The following CENPU variants were observed in gnomAD, a reference collection of about 807,000 sequenced individuals.
CENPU encodes the protein KSHV latent nuclear antigen interacting protein 1.
CENPU carries 46 observed loss-of-function variants against 56.7 expected under a neutral mutation model. The observed-to-expected ratio is 0.81, with a 90% CI of 0.64 to 1.04. The LOEUF (loss-of-function observed/expected upper bound fraction) is 1.04, where lower values mean the gene tolerates loss of function less well. CENPU is among the 50% of genes least tolerant of loss of function. The pLI is 0.00. For missense variants in CENPU, 510 were observed against 490.1 expected (o/e 1.04, Z -0.38); for synonymous variants, 166 against 163.0 (o/e 1.02, Z -0.14).
chr4:184,706,219 TATAG>T (rs1760722990), intron 8 of CENPU, among the ~76,000 whole-genome samples: 1 of 152,220 alleles, frequency 6.6e-6, no homozygotes, highest in Non-Finnish European at 1.5e-5. Flanking sequence ...ATTTTTAAAA[TATAG>T]CCAGTCATGG....
At chr4:184,700,751 C>A in intron 11 of CENPU, 69 bp downstream of exon 11, 1 of 1,303,680 alleles carries the variant, frequency 7.7e-7, no homozygotes, top group Non-Finnish European at 1.1e-6. Context: ...AAGTGTCACT[C>A]CCCTAAATGA....
At chr4:184,726,909 C>T (rs1364756850) in intron 3 of CENPU, among the ~76,000 whole-genome samples, 2 of 140,048 alleles carry the variant, frequency 1.4e-5, no homozygotes, top group East Asian at 2.0e-4. Context: ...GCCAATATGG[C>T]AAAGCCCCAT....
Position 184,725,008 on chromosome 4 carries a change from T to G in CENPU, c.269A>C (p.His90Pro). 6.2e-7 allele frequency: 1 copy of G among 1,613,458 alleles called. No individual in the cohort carries two copies. Reference protein sequence around the residue: ...IYADEEEFSKHCGLSLSSTPP... With the variant: ...IYADEEEFSKPCGLSLSSTPP... ...AGTTGAAGAGAGAGACAGTCCACAA[T>G]GTTTGGAGAATTCTTCTTCATCAGC... The change falls in exon 4 of 13, where the codon CAT (histidine) becomes CCT (proline). Residue 90 changes from histidine (H) to proline (P), a missense_variant. By Grantham distance (77) the His-to-Pro change is moderately conservative. Transcript: ENST00000281453.
At chr4:184,731,941 T>C (rs1761663681) in intron 1 of CENPU, among the ~76,000 whole-genome samples, 1 of 146,882 alleles carries the variant, frequency 6.8e-6, no homozygotes, top group Non-Finnish European at 1.5e-5. Flanking sequence ...CACCCCTAAA[T>C]ACTACAATAT....
chr4:184,699,601 G>C, intron 11 of CENPU: 1 of 1,288,824 alleles, frequency 7.8e-7, no homozygotes, highest in Non-Finnish European at 1.0e-6. Context: ...CCTGTCCAGA[G>C]ACTCAATTTA....
At chr4:184,721,525 G>A (rs1461507073) in intron 4 of CENPU, among the ~76,000 whole-genome samples, 1 of 129,144 alleles carries the variant, frequency 7.7e-6, no homozygotes, top group Non-Finnish European at 1.6e-5. Context: ...CACCTATAAA[G>A]ATACACACAG....
At chr4:184,708,478 TTAAAAAAC>T (rs1760805443) in intron 8 of CENPU, among the ~76,000 whole-genome samples, 1 of 150,998 alleles carries the variant, frequency 6.6e-6, no homozygotes, top group South Asian at 2.1e-4. Flanking sequence ...AAATAAAAAA[TTAAAAAAC>T]CTTGGAATGA....
intron 4 of CENPU, among the ~76,000 whole-genome samples, chr4:184,719,122 T>C (rs1053862517): frequency 5.9e-5 from 9 of 152,154 alleles, no homozygotes; most frequent in African/African-American, 2.2e-4. Context: ...AGGGCTCCAC[T>C]GATTGTCCCC....
At chr4:184,710,010 G>C in intron 8 of CENPU, 62 bp downstream of exon 8, 2 of 821,842 alleles carry the variant, frequency 2.4e-6, no homozygotes, top group Non-Finnish European at 3.9e-6. Context: ...TGTAGGATGA[G>C]CAAAAATGGT....
intron 12 of CENPU, among the ~76,000 whole-genome samples, chr4:184,697,358 T>C (rs1760374465): frequency 6.8e-6 from 1 of 148,142 alleles, no homozygotes; most frequent in Non-Finnish European, 1.5e-5. Context: ...GATTTTTCAA[T>C]TGAGATTTAT....
chr4:184,713,031 A>G lies in CENPU; in HGVS notation c.619-18T>C, dbSNP rs1408812056. ...TGAGTTTTCTACAAAAAAAAAAAGC[A>G]TTAAGTTTTTAAGAAAAGTTTTCTT... On this transcript the variant is annotated intron_variant, in intron 6 of 12. Transcript: ENST00000281453. The G allele has an allele frequency of 2.0e-6, 3 of 1,468,558 alleles. No individual in the cohort carries two copies. The highest frequency in any genetic ancestry group is 1.9e-6 in the Non-Finnish European group (2 of 1,076,310). 91.0% of individuals were successfully genotyped at this position (1,468,558 alleles called of 1,614,324 possible).
At chr4:184,717,550 C>T (rs1190874712) in intron 4 of CENPU, among the ~76,000 whole-genome samples, 2 of 152,194 alleles carry the variant, frequency 1.3e-5, no homozygotes, top group African/African-American at 2.4e-5. Flanking sequence ...AAAGGGAACA[C>T]CTTCTTTTAT....
At chr4:184,731,367 G>A (rs1259860818) in intron 1 of CENPU, among the ~76,000 whole-genome samples, 10 of 152,142 alleles carry the variant, frequency 6.6e-5, no homozygotes, top group Non-Finnish European at 7.3e-5. Context: ...TGTTACAGAT[G>A]TGTGCTTGCC....
At chr4:184,695,548 T>A in intron 12 of CENPU, 147 bp from the exon 13 acceptor site, 1 of 561,700 alleles carries the variant, frequency 1.8e-6, no homozygotes, top group Non-Finnish European at 3.2e-6. Context: ...ATTAAGACAA[T>A]TGGTTTTAAT....
chr4:184,718,051 AC>A (rs1761151579), intron 4 of CENPU, among the ~76,000 whole-genome samples: 1 of 152,210 alleles, frequency 6.6e-6, no homozygotes, highest in Non-Finnish European at 1.5e-5. Flanking sequence ...GCTGCAGGGC[AC>A]CCACATAGGC....
At position 184,694,125 on chromosome 4, in the gene CENPU, C is replaced by A; in HGVS notation, c.*1163G>T. 1.5e-6 allele frequency: 1 copy of A among 650,718 alleles called. No homozygotes were observed. The highest frequency in any genetic ancestry group is 1.9e-6 in the Non-Finnish European group (1 of 524,582). 40.3% of individuals were successfully genotyped at this position (650,718 alleles called of 1,614,324 possible). ...TTAATCTTTTTTCAATCCATGTTTA[C>A]GATTTGCTAAATACTTTAAAATTTA... On this transcript the variant is annotated 3_prime_UTR_variant, in exon 13 of 13. Coordinates refer to ENST00000281453, the MANE Select transcript of CENPU (RefSeq NM_024629.4).
chr4:184,701,869 C>G (rs1163599186), intron 10 of CENPU, among the ~76,000 whole-genome samples: 2 of 152,098 alleles, frequency 1.3e-5, no homozygotes, highest in Non-Finnish European at 2.9e-5. Context: ...TATTTTGACA[C>G]TCGTGCAGCC....
intron 7 of CENPU, chr4:184,710,497 C>G (rs1483572517): frequency 1.6e-5 from 3 of 192,630 alleles, no homozygotes; most frequent in Non-Finnish European, 3.2e-5. Context: ...TGGGGATAAG[C>G]TCTTCATTGT....
chr4:184,732,925 C>T (rs1019030537), intron 1 of CENPU, among the ~76,000 whole-genome samples: 2 of 148,556 alleles, frequency 1.3e-5, no homozygotes, highest in Non-Finnish European at 3.0e-5. Flanking sequence ...TCGCTTGAAC[C>T]TGGGAGGCGG....
Sources: gnomAD v4.1 joint callset for allele counts (sites outside exome capture counted in the v4.1 genomes callset) on GRCh38, gnomAD v4.1.1 for gene constraint, MANE v1.5 for transcripts, NCBI Gene and HGNC (gene_info 2026-07-23, HGNC 2026-07-21) for gene names.